BMPR1B: variants seen among roughly 807,000 people sequenced by gnomAD.
BMPR1B encodes bone morphogenetic protein receptor type-1B.
BMPR1B carries 12 observed loss-of-function variants against 59.1 expected under a neutral mutation model. That is an observed-to-expected ratio of 0.20 (90% confidence interval 0.13 to 0.33). The LOEUF is 0.33. Among genes scored for constraint, BMPR1B ranks in the 10% least tolerant of loss-of-function variants. The pLI is 1.00. For synonymous variants in BMPR1B, 237 were observed against 207.3 expected (o/e 1.14, Z -1.23); for missense variants, 550 against 610.9 (o/e 0.90, Z 1.05).
At chr4:94,998,558 A>T (rs942555260) in intron 3 of BMPR1B, among the ~76,000 whole-genome samples, 1 of 151,976 alleles carries the variant, frequency 6.6e-6, no homozygotes, top group African/African-American at 2.4e-5. Flanking sequence ...TTTTTAGTAA[A>T]TATAGGGTTT....
rs148268622 is a variant in BMPR1B, at chr4:94,925,765, C to G, written c.-113+49865C>G. 5.4e-3 allele frequency among the ~76,000 whole-genome samples: 829 copies of G among 152,198 alleles called. 2 individuals are homozygous for G. The highest frequency in any genetic ancestry group is 8.1e-3 in the Non-Finnish European group (553 of 68,002). On this transcript the variant is annotated intron_variant, in intron 2 of 12. Coordinates refer to ENST00000515059, the MANE Select transcript of BMPR1B (RefSeq NM_001203.3). ...TGAACCAACTATTCAAAAAATAAGG[C>G]AAAGAACCAAGTAAATTTTTAAAGC...
chr4:94,761,277 C>T (rs533893456), intron 1 of BMPR1B, among the ~76,000 whole-genome samples: 6 of 152,160 alleles, frequency 3.9e-5, no homozygotes, highest in Non-Finnish European at 7.4e-5. Context: ...TAACACCGAT[C>T]TTTAAGAACC....
At chr4:95,123,096 A>G (rs1163237142) in intron 6 of BMPR1B, among the ~76,000 whole-genome samples, 1 of 152,220 alleles carries the variant, frequency 6.6e-6, no homozygotes, top group East Asian at 1.9e-4. Context: ...TATAAAGTTA[A>G]GTCATTTATA....
intron 2 of BMPR1B, among the ~76,000 whole-genome samples, chr4:94,877,119 A>G (rs1019038640): frequency 1.3e-5 from 2 of 152,206 alleles, no homozygotes; most frequent in African/African-American, 2.4e-5. Flanking sequence ...CAGTTGGGCC[A>G]CATATTATGC....
At chr4:94,913,350 G>T (rs1158916051) in intron 2 of BMPR1B, among the ~76,000 whole-genome samples, 2 of 152,200 alleles carry the variant, frequency 1.3e-5, no homozygotes, top group Non-Finnish European at 2.9e-5. Flanking sequence ...CTTGGAAAGA[G>T]ATTAAGAATT....
At chr4:94,794,134 G>T (rs1578651037) in intron 1 of BMPR1B, among the ~76,000 whole-genome samples, 1 of 146,692 alleles carries the variant, frequency 6.8e-6, no homozygotes, top group Non-Finnish European at 1.5e-5. Context: ...TTTTCTTCTA[G>T]GGTTTTTATG....
intron 1 of BMPR1B, among the ~76,000 whole-genome samples, chr4:94,832,484 A>G (rs999822136): frequency 1.3e-5 from 2 of 152,160 alleles, no homozygotes; most frequent in African/African-American, 4.8e-5. Context: ...GGTCTCATGT[A>G]GAAAGGTAGT....
chr4:94,930,986 A>G (rs1461634371), intron 2 of BMPR1B, among the ~76,000 whole-genome samples: 2 of 152,076 alleles, frequency 1.3e-5, no homozygotes, highest in African/African-American at 4.8e-5. Flanking sequence ...GGATATATTA[A>G]GTTTCTGGAC....
chr4:94,955,454 T>C (rs1730105268), intron 2 of BMPR1B, among the ~76,000 whole-genome samples: 1 of 152,136 alleles, frequency 6.6e-6, no homozygotes, highest in Admixed American at 6.5e-5. Flanking sequence ...AGAGTCTTCC[T>C]GTGGGACATG....
intron 4 of BMPR1B, among the ~76,000 whole-genome samples, chr4:95,105,221 A>C (rs2149266310): frequency 6.6e-6 from 1 of 152,142 alleles, no homozygotes; most frequent in Non-Finnish European, 1.5e-5. Context: ...TTTACTCCTT[A>C]CGGTAAGGTC....
intron 1 of BMPR1B, among the ~76,000 whole-genome samples, chr4:94,767,417 T>C (rs1337369047): frequency 6.6e-6 from 1 of 152,066 alleles, no homozygotes; most frequent in Admixed American, 6.5e-5. Context: ...AACATGCTGT[T>C]TGTTAGGAGC....
chr4:95,053,374 G>A (rs1258303459), intron 3 of BMPR1B, among the ~76,000 whole-genome samples: 2 of 150,900 alleles, frequency 1.3e-5, no homozygotes, highest in South Asian at 4.2e-4. Context: ...GTGGCTAAGA[G>A]TACAAATTCT....
At chr4:95,148,657 CACTA>C in intron 10 of BMPR1B, 87 bp from the exon 11 acceptor site, 1 of 1,333,206 alleles carries the variant, frequency 7.5e-7, no homozygotes, top group South Asian at 1.2e-5. Context: ...TTCCACTTTT[CACTA>C]ACTAAAGCCA....
rs548956012 is a variant in BMPR1B, at chr4:95,155,475, C to CTTTTTTTTTT, written c.*825_*834dup. ...CCCTTTTCATTAAACACAAAGAAAG[C>CTTTTTTTTTT]TTTTTTTTTTTTTTTTTTTTTTTTT... On this transcript the variant is annotated 3_prime_UTR_variant, in exon 13 of 13. Transcript: ENST00000515059. 19 of 64,314 alleles carry CTTTTTTTTTT rather than the reference C, an allele frequency of 3.0e-4. 2 individuals carry two copies. Among genetic ancestry groups the CTTTTTTTTTT allele is most frequent in the South Asian group, 8.1e-4 (1 of 1,234 alleles). The allele number at this position is 64,314 out of a possible 1,614,324, so 4.0% of individuals were successfully genotyped here. A position where few individuals can be genotyped will look rare whatever the true frequency, so the allele number is the denominator to read the frequency against.
At chr4:94,873,220 T>G (rs939883401) in intron 1 of BMPR1B, among the ~76,000 whole-genome samples, 1 of 152,164 alleles carries the variant, frequency 6.6e-6, no homozygotes, top group Non-Finnish European at 1.5e-5. Flanking sequence ...ACCACCTTAC[T>G]GAATGACCCT....
chr4:94,991,513 C>A (rs1721757555), intron 2 of BMPR1B, among the ~76,000 whole-genome samples: 1 of 152,122 alleles, frequency 6.6e-6, no homozygotes, highest in African/African-American at 2.4e-5. Flanking sequence ...GTAGGCTTTG[C>A]TGAGAAGGTG....
intron 6 of BMPR1B, among the ~76,000 whole-genome samples, chr4:95,120,465 A>T (rs1298684223): frequency 1.3e-5 from 2 of 152,218 alleles, no homozygotes; most frequent in African/African-American, 4.8e-5. Flanking sequence ...TGAAAAGAAG[A>T]AGTTAAAGTA....
chr4:95,092,935 C>T (rs1367407573), intron 3 of BMPR1B, among the ~76,000 whole-genome samples: 1 of 152,120 alleles, frequency 6.6e-6, no homozygotes, highest in Non-Finnish European at 1.5e-5. Context: ...GCAGAGCATT[C>T]ATAGAAACTG....
At chr4:95,136,682 T>TGAAA (rs2149309560) in intron 10 of BMPR1B, among the ~76,000 whole-genome samples, 1 of 152,334 alleles carries the variant, frequency 6.6e-6, no homozygotes, top group Admixed American at 6.5e-5. Flanking sequence ...TTCTATTTTC[T>TGAAA]AGTTTATTTG....
Sources: allele counts gnomAD v4.1 joint callset (sites outside exome capture counted in the v4.1 genomes callset), GRCh38; gene constraint gnomAD v4.1.1; transcripts MANE v1.5; gene names NCBI Gene and HGNC (gene_info 2026-07-23, HGNC 2026-07-21).